Variants in ZNF883 observed in about 807,000 individuals in gnomAD.
ZNF883 encodes the protein zinc finger protein 883.
At chr9:113,000,110 A>G (rs1828408945), upstream of ZNF883, among the ~76,000 whole-genome samples, 1 of 152,232 alleles carries the variant, frequency 6.6e-6, no homozygotes, top group Non-Finnish European at 1.5e-5. Context: ...AGAATTGGAA[A>G]CAAAGACCAG....
At chr9:112,990,034 C>T (rs146374768) in intron 1 of ZNF883, among the ~76,000 whole-genome samples, 1,980 of 152,244 alleles carry the variant, frequency 0.013, 34 homozygotes, top group African/African-American at 0.033. Flanking sequence ...ATGGAGTTTT[C>T]TAGATATAGG....
chr9:113,002,402 GA>G (rs1189689486), upstream of ZNF883, among the ~76,000 whole-genome samples: 1 of 88,084 alleles, frequency 1.1e-5, no homozygotes, highest in Admixed American at 1.2e-4. Context: ...AATGAGATCA[GA>G]GAGTAGAAAA....
At chr9:112,990,920 T>C (rs565361368) in intron 1 of ZNF883, among the ~76,000 whole-genome samples, 2 of 152,370 alleles carry the variant, frequency 1.3e-5, no homozygotes, top group Non-Finnish European at 2.9e-5. Context: ...TAGTAGTCTC[T>C]GATGGTTGGT....
At chr9:113,002,860 G>A (rs1462696008), upstream of ZNF883, among the ~76,000 whole-genome samples, 1 of 152,142 alleles carries the variant, frequency 6.6e-6, no homozygotes, top group East Asian at 1.9e-4. Flanking sequence ...AAGGCTTGAG[G>A]GAGTGGGTTT....
intron 2 of ZNF883, among the ~76,000 whole-genome samples, chr9:113,003,681 G>A (rs771228022): frequency 8.6e-5 from 13 of 151,650 alleles, no homozygotes; most frequent in Non-Finnish European, 1.5e-4. Context: ...CAAACCATAA[G>A]CAAGCTAAAT....
At chr9:113,009,063 C>T (rs554557083) in intron 2 of ZNF883, among the ~76,000 whole-genome samples, 1 of 152,242 alleles carries the variant, frequency 6.6e-6, no homozygotes, top group Admixed American at 6.5e-5. Context: ...AGCTTCCTAG[C>T]CAGTATCCAT....
chr9:113,002,254 T>C (rs1828432477), upstream of ZNF883, among the ~76,000 whole-genome samples: 1 of 152,158 alleles, frequency 6.6e-6, no homozygotes, highest in African/African-American at 2.4e-5. Context: ...TACTACTTGT[T>C]TAGGATATAC....
chr9:113,010,186 G>A (rs980388260), intron 2 of ZNF883, among the ~76,000 whole-genome samples: 5 of 152,076 alleles, frequency 3.3e-5, no homozygotes, highest in African/African-American at 1.2e-4. Context: ...GTGAGTGAAA[G>A]AAAGAAAATT....
chr9:113,002,604 A>C (rs10981593), upstream of ZNF883, among the ~76,000 whole-genome samples: 18,463 of 152,156 alleles, frequency 0.12, 1,685 homozygotes, highest in East Asian at 0.43. Flanking sequence ...AACTATTCTA[A>C]AATAAGTTTA....
At chr9:113,001,703 C>G (rs995246351), upstream of ZNF883, among the ~76,000 whole-genome samples, 1 of 152,056 alleles carries the variant, frequency 6.6e-6, no homozygotes, top group African/African-American at 2.4e-5. Flanking sequence ...TGTGACATTT[C>G]TCCATTTTTC....
chr9:113,003,634 T>G (rs1828447916), intron 2 of ZNF883, among the ~76,000 whole-genome samples: 1 of 150,060 alleles, frequency 6.7e-6, no homozygotes, highest in Admixed American at 6.6e-5. Context: ...TAAGGATAGA[T>G]TTTTCCCAAC....
chr9:113,010,208 T>C (rs1161337173), intron 2 of ZNF883, among the ~76,000 whole-genome samples: 1 of 152,178 alleles, frequency 6.6e-6, no homozygotes, highest in African/African-American at 2.4e-5. Context: ...TCCCTCCCTC[T>C]GGACAGAGGT....
chr9:112,993,120 T>C (rs1426391567), downstream of ZNF883, among the ~76,000 whole-genome samples: 1 of 152,128 alleles, frequency 6.6e-6, no homozygotes. Context: ...CCTGGAGAGG[T>C]GTTGCAATCA....
Position 112,997,528 on chromosome 9 carries a change from C to T in ZNF883, n.732G>A, listed in dbSNP as rs778814843. 8 of 1,614,038 alleles carry T rather than the reference C, an allele frequency of 5.0e-6. 1 individual carries two copies. In the Admixed American group the frequency reaches 1.3e-4, roughly 27 times the overall value. Reference sequence around the variant, plus strand: ...TAAGATGTGCACTCCGATTGAAGGCCTTTCCACATGCATTACACTCATAGG... The same window carrying T: ...TAAGATGTGCACTCCGATTGAAGGCTTTTCCACATGCATTACACTCATAGG... On this transcript the variant is annotated non_coding_transcript_exon_variant, in exon 1 of 1. Transcript: ENST00000639662.
At chr9:113,007,452 A>G (rs1378720067) in intron 2 of ZNF883, among the ~76,000 whole-genome samples, 1 of 152,192 alleles carries the variant, frequency 6.6e-6, no homozygotes, top group African/African-American at 2.4e-5. Flanking sequence ...ACTTCTTAGT[A>G]TACTGGTGAC....
upstream of ZNF883, among the ~76,000 whole-genome samples, chr9:113,003,113 A>C (rs1828442262): frequency 1.3e-5 from 2 of 152,164 alleles, no homozygotes; most frequent in South Asian, 4.1e-4. Flanking sequence ...GTCCCCACCC[A>C]AATCTCACCT....
At chr9:112,997,036 C>T (rs750992905), downstream of ZNF883, 1 of 1,349,738 alleles carries the variant, frequency 7.4e-7, no homozygotes, top group Non-Finnish European at 9.9e-7. Flanking sequence ...ATTTTCCTCA[C>T]ATAACAATCC....
downstream of ZNF883, among the ~76,000 whole-genome samples, chr9:112,993,241 C>T (rs1828318153): frequency 1.3e-5 from 2 of 152,154 alleles, no homozygotes; most frequent in Admixed American, 1.3e-4. Context: ...AGGCTGCTGA[C>T]CTTTGGATAT....
chr9:112,997,000 T>A (rs928130237), downstream of ZNF883: 12 of 900,708 alleles, frequency 1.3e-5, no homozygotes, highest in South Asian at 9.8e-5. Context: ...AAATAGCATA[T>A]TAAGTAAATG....
Sources: gnomAD v4.1 joint callset for allele counts (sites outside exome capture counted in the v4.1 genomes callset) on GRCh38, gnomAD v4.1.1 for gene constraint, MANE v1.5 for transcripts, NCBI Gene and HGNC (gene_info 2026-07-23, HGNC 2026-07-21) for gene names.